HS2ST1: variants seen among roughly 807,000 people sequenced by gnomAD.
HS2ST1 encodes the protein heparan sulfate 2-O-sulfotransferase 1, also known as 2-O-sulfotransferase.
In HS2ST1, 18 loss-of-function variants were observed where a neutral mutation model predicts 42.9. That is an observed-to-expected ratio of 0.42 (90% CI 0.29 to 0.62). The LOEUF (loss-of-function observed/expected upper bound fraction) is 0.62, where lower values mean the gene tolerates loss of function less well. Among genes scored for constraint, HS2ST1 ranks in the 20% least tolerant of loss-of-function variants. The pLI, the probability that HS2ST1 is intolerant of heterozygous loss-of-function variation, is 0.21. For missense variants in HS2ST1, 334 were observed against 433.8 expected, an observed-to-expected ratio of 0.77 and a Z score of 2.04; for synonymous variants, 146 against 152.9, an observed-to-expected ratio of 0.95 and a Z score of 0.33.
At chr1:86,992,588 C>T (rs1469878519) in intron 1 of HS2ST1, among the ~76,000 whole-genome samples, 2 of 152,178 alleles carry the variant, frequency 1.3e-5, no homozygotes, top group East Asian at 1.9e-4. Flanking sequence ...TCTCTAACTC[C>T]TGACCTCTGG....
At chr1:87,053,512 CA>C (rs1465846199) in intron 1 of HS2ST1, among the ~76,000 whole-genome samples, 1 of 152,124 alleles carries the variant, frequency 6.6e-6, no homozygotes, top group African/African-American at 2.4e-5. Context: ...AATTTACTTT[CA>C]ACCTTTTTCA....
At chr1:87,017,451 A>G (rs1649793205) in intron 1 of HS2ST1, among the ~76,000 whole-genome samples, 2 of 152,176 alleles carry the variant, frequency 1.3e-5, no homozygotes, top group African/African-American at 4.8e-5. Context: ...TCTTTTTAAA[A>G]TTACCATTTT....
At chr1:87,082,446 A>C (rs1651718750) in intron 2 of HS2ST1, among the ~76,000 whole-genome samples, 1 of 152,124 alleles carries the variant, frequency 6.6e-6, no homozygotes, top group African/African-American at 2.4e-5. Flanking sequence ...AGCATCTTTC[A>C]TTTCCCTCCT....
chr1:87,056,180 C>T (rs1440731487), intron 1 of HS2ST1, among the ~76,000 whole-genome samples: 1 of 152,094 alleles, frequency 6.6e-6, no homozygotes, highest in Non-Finnish European at 1.5e-5. Context: ...CTGAGGACTA[C>T]ATTAGTTACA....
chr1:87,005,150 A>T (rs749436633), intron 1 of HS2ST1, among the ~76,000 whole-genome samples: 1 of 152,140 alleles, frequency 6.6e-6, no homozygotes, highest in Non-Finnish European at 1.5e-5. Context: ...ATCTTTTGCT[A>T]TGAATCTCAA....
intron 6 of HS2ST1, among the ~76,000 whole-genome samples, chr1:87,104,184 A>AATT (rs1652278630): frequency 6.6e-6 from 1 of 152,162 alleles, no homozygotes; most frequent in Admixed American, 6.5e-5. Flanking sequence ...AGCACTTGAG[A>AATT]ATATAGTGTG....
intron 4 of HS2ST1, 117 bp downstream of exon 4, chr1:87,092,786 T>G: frequency 5.1e-6 from 3 of 589,174 alleles, no homozygotes; most frequent in Non-Finnish European, 7.5e-6. Context: ...TGTGGAAATT[T>G]TGAAGAGAAC....
intron 5 of HS2ST1, among the ~76,000 whole-genome samples, chr1:87,101,418 G>A (rs1354744359): frequency 2.6e-5 from 4 of 151,858 alleles, no homozygotes; most frequent in East Asian, 1.9e-4. Flanking sequence ...CGCCTGTCTC[G>A]GCCTCCCAAA....
chr1:86,976,722 T>TATATATATATATATATATATATA lies in HS2ST1; in HGVS notation c.124+61562_124+61563insATATATATATATATATATATATA, dbSNP rs1415785639. On this transcript the variant is annotated intron_variant, in intron 1 of 6. Coordinates refer to ENST00000370550, the MANE Select transcript of HS2ST1 (RefSeq NM_012262.4). ...TAAAATTGTATATATATATATATAT[T>TATATATATATATATATATATATA]TTAAATGCCCAGTGTCTCCTGCTGC... is the stretch of plus-strand genomic sequence containing the variant. 9.2e-5 allele frequency among the ~76,000 whole-genome samples: 2 copies of TATATATATATATATATATATATA among 21,846 alleles called. 1 individual carries two copies. The highest frequency in any genetic ancestry group is 1.8e-4 in the African/African-American group (2 of 10,906). 14.3% of individuals were successfully genotyped at this position (21,846 alleles called of 152,430 possible).
In HS2ST1 at chr1:87,104,513, C is replaced by T. The variant is rs1289361961; in HGVS notation, c.888C>T (p.Pro296=). The change falls in exon 7 of 7, where the codon CCC becomes CCT. Residue 296 remains proline (P), a synonymous_variant. Coordinates refer to ENST00000370550, the MANE Select transcript of HS2ST1 (RefSeq NM_012262.4). ...GGAAAACCACAGAGAAGAAACTCCC[C>T]ACTAAACAAACCATTGCAAAACTAC... ...HLRKTTEKKL[P]TKQTIAKLQQ... 1 of 1,613,226 alleles carries T rather than the reference C, an allele frequency of 6.2e-7. No individual in the cohort carries two copies. The highest frequency in any genetic ancestry group is 1.7e-5 in the Admixed American group (1 of 59,986).
intron 5 of HS2ST1, among the ~76,000 whole-genome samples, chr1:87,101,156 G>T (rs1778006): frequency 0.81 from 73,373 of 90,938 alleles, 29,150 homozygotes; most frequent in East Asian, 0.94. Flanking sequence ...TGTGTTTTTT[G>T]TTTTTTTTTT....
Position 87,097,722 on chromosome 1 carries a change from AAG to A in HS2ST1, c.589-113_589-112del, listed in dbSNP as rs554327425. ...TAATTTACATGACTCCAAAAAAAAT[AAG>A]AGTGTCTCATCCCACCTACTCTGGC... is the stretch of plus-strand genomic sequence containing the variant. On this transcript the variant is annotated intron_variant, in intron 4 of 6. Transcript: ENST00000370550. The A allele has an allele frequency of 2.5e-4, 290 of 1,161,464 alleles. 1 individual carries two copies. In the African/African-American group the frequency reaches 4.0e-3, roughly 16 times the overall value. The allele number at this position is 1,161,464 out of a possible 1,614,324, so 71.9% of individuals were successfully genotyped here.
At chr1:87,044,085 C>T (rs1227973192) in intron 1 of HS2ST1, among the ~76,000 whole-genome samples, 1 of 151,970 alleles carries the variant, frequency 6.6e-6, no homozygotes, top group African/African-American at 2.4e-5. Flanking sequence ...GTAGTAAATA[C>T]TAGCACTATT....
intron 1 of HS2ST1, among the ~76,000 whole-genome samples, chr1:87,018,505 A>G (rs774580982): frequency 2.0e-5 from 3 of 152,134 alleles, no homozygotes; most frequent in Non-Finnish European, 4.4e-5. Flanking sequence ...TGGCTCCTGC[A>G]GTGCATGGAA....
intron 1 of HS2ST1, among the ~76,000 whole-genome samples, chr1:86,971,314 A>T (rs1008374728): frequency 6.6e-6 from 1 of 151,372 alleles, no homozygotes; most frequent in African/African-American, 2.4e-5. Context: ...AAAACAAAAC[A>T]AAAAAAAACC....
chr1:86,948,148 C>A (rs973557171), intron 1 of HS2ST1, among the ~76,000 whole-genome samples: 12 of 152,134 alleles, frequency 7.9e-5, no homozygotes, highest in African/African-American at 2.9e-4. Context: ...AAAAAGACTT[C>A]TCAACTCTTC....
intron 5 of HS2ST1, among the ~76,000 whole-genome samples, chr1:87,099,876 A>G (rs1449360167): frequency 6.6e-6 from 1 of 152,194 alleles, no homozygotes; most frequent in East Asian, 1.9e-4. Flanking sequence ...GCCCCACACA[A>G]GTCTAAAACC....
chr1:87,003,618 T>G (rs1005530764), intron 1 of HS2ST1, among the ~76,000 whole-genome samples: 2 of 152,218 alleles, frequency 1.3e-5, no homozygotes, highest in Non-Finnish European at 2.9e-5. Flanking sequence ...GTCAGCTCCC[T>G]GTACCCATTG....
chr1:86,977,129 A>G (rs563607615), intron 1 of HS2ST1, among the ~76,000 whole-genome samples: 1 of 152,242 alleles, frequency 6.6e-6, no homozygotes, highest in African/African-American at 2.4e-5. Flanking sequence ...TTTCATATTT[A>G]CTTTGATTAC....
Sources: gnomAD v4.1 joint callset for allele counts (sites outside exome capture counted in the v4.1 genomes callset) on GRCh38, gnomAD v4.1.1 for gene constraint, MANE v1.5 for transcripts, NCBI Gene and HGNC (gene_info 2026-07-23, HGNC 2026-07-21) for gene names.